Variants in SCN8A observed in about 807,000 individuals in gnomAD.
SCN8A encodes sodium channel protein type 8 subunit alpha.
In SCN8A, 30 loss-of-function variants were observed where a neutral mutation model predicts 184.1. That is an observed-to-expected ratio of 0.16 (90% CI 0.12 to 0.22). SCN8A has a LOEUF of 0.22. SCN8A is among the 10% of genes least tolerant of loss of function. The pLI is 1.00. For synonymous variants in SCN8A, 852 were observed against 907.0 expected (o/e 0.94, Z 1.09); for missense variants, 1,057 against 2,498.9 (o/e 0.42, Z 12.30).
intron 11 of SCN8A, among the ~76,000 whole-genome samples, chr12:51,711,310 T>C (rs1047802697): frequency 6.6e-6 from 1 of 152,206 alleles, no homozygotes; most frequent in African/African-American, 2.4e-5. Context: ...CATGAAAATA[T>C]TCACTTAGTC....
intron 2 of SCN8A, among the ~76,000 whole-genome samples, chr12:51,681,055 T>G (rs540288278): frequency 3.3e-5 from 5 of 152,114 alleles, no homozygotes; most frequent in Non-Finnish European, 7.4e-5. Context: ...GTTGTCTGTC[T>G]CCTAAGGAGA....
chr12:51,616,625 A>T (rs540582093), intron 1 of SCN8A, among the ~76,000 whole-genome samples: 1 of 152,096 alleles, frequency 6.6e-6, no homozygotes, highest in African/African-American at 2.4e-5. Context: ...AACAAACAAA[A>T]AGTGTTTCAC....
chr12:51,638,059 A>C (rs891762634), intron 1 of SCN8A, among the ~76,000 whole-genome samples: 4 of 152,194 alleles, frequency 2.6e-5, no homozygotes, highest in Non-Finnish European at 4.4e-5. Flanking sequence ...CCTGTGCCCT[A>C]TAAATGGAAC....
At chr12:51,804,883 G>A (rs1938656081) in intron 26 of SCN8A, among the ~76,000 whole-genome samples, 1 of 152,216 alleles carries the variant, frequency 6.6e-6, no homozygotes. Flanking sequence ...GTAGACTAGG[G>A]AGGTAGGGCT....
At chr12:51,743,324 C>T (rs1476478053) in intron 12 of SCN8A, among the ~76,000 whole-genome samples, 2 of 152,036 alleles carry the variant, frequency 1.3e-5, no homozygotes, top group Admixed American at 6.6e-5. Context: ...ATAGTCTTCG[C>T]AATCTGGGCT....
intron 13 of SCN8A, 62 bp from the exon 14 acceptor site, chr12:51,751,293 A>T: frequency 9.7e-7 from 1 of 1,034,930 alleles, no homozygotes; most frequent in Non-Finnish European, 1.5e-6. Context: ...GAGAGTGAGT[A>T]GTGTGTCCCC....
chr12:51,645,512 AAG>A (rs1417527922), intron 1 of SCN8A, among the ~76,000 whole-genome samples: 1 of 152,082 alleles, frequency 6.6e-6, no homozygotes, highest in African/African-American at 2.4e-5. Flanking sequence ...GTAGAATAGA[AAG>A]GGGGGAAAGG....
intron 1 of SCN8A, among the ~76,000 whole-genome samples, chr12:51,635,586 G>A (rs1293628505): frequency 6.6e-6 from 1 of 152,140 alleles, no homozygotes; most frequent in Non-Finnish European, 1.5e-5. Context: ...ATACAAGAAT[G>A]GTAATTAGGC....
chr12:51,766,045 G>A lies in SCN8A; in HGVS notation c.2901+18G>A. On this transcript the variant is annotated intron_variant, in intron 16 of 26. Transcript: ENST00000627620. ...ACTTGGTGGTTAGTACTAATTTGTA[G>A]ATATTTTTGTTCTACACCCTGAATA... 1 of 1,604,178 alleles carries A rather than the reference G, an allele frequency of 6.2e-7. No individual in the cohort carries two copies. The highest frequency in any genetic ancestry group is 8.5e-7 in the Non-Finnish European group (1 of 1,171,098).
At chr12:51,656,218 G>C (rs1174459847) in intron 1 of SCN8A, among the ~76,000 whole-genome samples, 1 of 152,152 alleles carries the variant, frequency 6.6e-6, no homozygotes, top group Non-Finnish European at 1.5e-5. Flanking sequence ...ACAGTGACCA[G>C]ACATTTTATT....
intron 1 of SCN8A, among the ~76,000 whole-genome samples, chr12:51,661,788 C>A (rs1194556520): frequency 6.6e-6 from 1 of 152,160 alleles, no homozygotes; most frequent in Non-Finnish European, 1.5e-5. Flanking sequence ...GCTTTTGAAA[C>A]CAGGGATTGA....
chr12:51,682,343 T>A (rs1352605607), intron 2 of SCN8A, among the ~76,000 whole-genome samples: 2 of 152,180 alleles, frequency 1.3e-5, no homozygotes, highest in Non-Finnish European at 2.9e-5. Context: ...TTAGAATGAG[T>A]TTAGAAATGT....
intron 12 of SCN8A, among the ~76,000 whole-genome samples, chr12:51,736,079 C>G (rs1942321103): frequency 6.6e-6 from 1 of 152,230 alleles, no homozygotes; most frequent in African/African-American, 2.4e-5. Context: ...CTGTCTCTCC[C>G]TTTCTGCTTT....
chr12:51,770,370 G>A, intron 18 of SCN8A, 159 bp from the exon 19 acceptor site: 2 of 825,676 alleles, frequency 2.4e-6, no homozygotes, highest in Non-Finnish European at 3.7e-6. Flanking sequence ...CCCCAGCCCT[G>A]CCACCCTCTC....
intron 13 of SCN8A, among the ~76,000 whole-genome samples, chr12:51,747,409 C>T (rs1263181635): frequency 1.3e-5 from 2 of 152,008 alleles, no homozygotes; most frequent in African/African-American, 4.8e-5. Flanking sequence ...CCTAAGAATT[C>T]CAAGCTAAGA....
intron 9 of SCN8A, among the ~76,000 whole-genome samples, chr12:51,703,987 C>T (rs781741636): frequency 6.6e-6 from 1 of 152,026 alleles, no homozygotes; most frequent in Non-Finnish European, 1.5e-5. Flanking sequence ...TTCACTGCAG[C>T]CTCCAAACAA....
At chr12:51,783,059 G>A (rs887789812) in intron 21 of SCN8A, among the ~76,000 whole-genome samples, 1 of 152,200 alleles carries the variant, frequency 6.6e-6, no homozygotes, top group Non-Finnish European at 1.5e-5. Context: ...ATTAAGGGAA[G>A]CTTTGGAATA....
intron 11 of SCN8A, among the ~76,000 whole-genome samples, chr12:51,718,117 T>C (rs1565898369): frequency 6.6e-6 from 1 of 152,152 alleles, no homozygotes; most frequent in Non-Finnish European, 1.5e-5. Context: ...AGAAACGGAA[T>C]TGTAGCCAAC....
chr12:51,768,816 T>C (rs1942876741), intron 16 of SCN8A, 49 bp from the exon 17 acceptor site: 2 of 1,474,942 alleles, frequency 1.4e-6, no homozygotes, highest in East Asian at 2.3e-5. Context: ...CTGAGTTCGA[T>C]GGATAACTTT....
Sources: allele counts gnomAD v4.1 joint callset (sites outside exome capture counted in the v4.1 genomes callset), GRCh38; gene constraint gnomAD v4.1.1; transcripts MANE v1.5; gene names NCBI Gene and HGNC (gene_info 2026-07-23, HGNC 2026-07-21).